RPS15A: variants seen among roughly 807,000 people sequenced by gnomAD.
RPS15A encodes small ribosomal subunit protein uS8.
For missense variants in RPS15A, 62 were observed against 163.4 expected, an observed-to-expected ratio of 0.38 and a Z score of 3.38; for synonymous variants, 55 against 58.5, an observed-to-expected ratio of 0.94 and a Z score of 0.27.
Position 18,781,584 on chromosome 16 carries a change from C to T in RPS15A, c.*1425G>A, listed in dbSNP as rs527984685. 6.6e-6 allele frequency: 1 copy of T among 152,084 alleles called. No homozygotes were observed. Among genetic ancestry groups the T allele is most frequent in the South Asian group, 2.1e-4 (1 of 4,812 alleles). 9.4% of individuals were successfully genotyped at this position (152,084 alleles called of 1,614,324 possible). ...CTTGGGGATAGGTTTTGTATCATTCCCATTACAGATACGGATGCTGAGGTT... is the reference window on the plus strand; with the variant it reads ...CTTGGGGATAGGTTTTGTATCATTCTCATTACAGATACGGATGCTGAGGTT... On this transcript the variant is annotated 3_prime_UTR_variant, in exon 5 of 5. Transcript: ENST00000322989.
At position 18,782,745 on chromosome 16, in the gene RPS15A, AAC is replaced by A; in HGVS notation, c.*262_*263del. The stretch of plus-strand genomic sequence containing the variant: ...TCCAAAAAAGAAAAAAAAAAAAAAA[AAC>A]TGAAATACAACTAAAATATTTAGTG... On this transcript the variant is annotated 3_prime_UTR_variant, in exon 5 of 5. Transcript: ENST00000322989. 3.4e-6 allele frequency: 1 copy of A among 293,894 alleles called. No homozygotes were observed. The highest frequency in any genetic ancestry group is 6.3e-6 in the Non-Finnish European group (1 of 158,312). The allele number at this position is 293,894 out of a possible 1,614,324, so 18.2% of individuals were successfully genotyped here.
intron 1 of RPS15A, 193 bp downstream of exon 1, chr16:18,790,051 C>G (rs1395856122): frequency 6.6e-6 from 1 of 152,412 alleles, no homozygotes; most frequent in African/African-American, 2.4e-5. Flanking sequence ...ACCGGAGCTA[C>G]CGCCTAGCTG....
chr16:18,787,336 T>A (rs984070347), intron 3 of RPS15A, among the ~76,000 whole-genome samples: 1 of 152,224 alleles, frequency 6.6e-6, no homozygotes, highest in African/African-American at 2.4e-5. Flanking sequence ...TTTCCATTTA[T>A]CACTAGAGAC....
intron 3 of RPS15A, 42 bp from the exon 4 acceptor site, chr16:18,784,865 C>A: frequency 6.8e-7 from 1 of 1,479,502 alleles, no homozygotes; most frequent in South Asian, 1.2e-5. Flanking sequence ...TTCACTTTAC[C>A]AATAACAGAA....
intron 4 of RPS15A, chr16:18,783,908 T>C (rs536741801): frequency 2.9e-6 from 1 of 344,936 alleles, no homozygotes; most frequent in South Asian, 2.3e-5. Context: ...GGACAAAGAC[T>C]CCCAAACTAA....
Position 18,782,784 on chromosome 16 carries a change from GT to G in RPS15A, c.*224del. The G allele has an allele frequency of 2.5e-6, 1 of 407,410 alleles. No homozygotes were observed. Among genetic ancestry groups the G allele is most frequent in the Non-Finnish European group, 4.4e-6 (1 of 229,614 alleles). The allele number at this position is 407,410 out of a possible 1,614,324, so 25.2% of individuals were successfully genotyped here. On this transcript the variant is annotated 3_prime_UTR_variant, in exon 5 of 5. Coordinates refer to ENST00000322989, the MANE Select transcript of RPS15A (RefSeq NM_001019.5). ...TAAAATATTTAGTGTCAAATACCTG[GT>G]TTTGGCAGACAGCAGGGGTGACTGT...
chr16:18,789,086 C>A lies in RPS15A; in HGVS notation c.28G>T (p.Ala10Ser), dbSNP rs1415423406. The change falls in exon 2 of 5, where the codon GCT becomes TCT. Residue 10 changes from alanine (A) to serine (S), a missense_variant. Ala to Ser is a moderately conservative substitution (Grantham distance 99, BLOSUM62 1). Transcript: ENST00000322989. MVRMNVLADALKSINNAEKR... is the reference protein window; with the variant it reads MVRMNVLADSLKSINNAEKR... ...TCGGCATTGTTGATACTCTTGAGAGCATCTGCCAGGACATTCATGCGCACC... is the reference window on the plus strand; with the variant it reads ...TCGGCATTGTTGATACTCTTGAGAGAATCTGCCAGGACATTCATGCGCACC... The A allele has an allele frequency of 6.2e-7, 1 of 1,613,852 alleles. No homozygotes were observed. Among genetic ancestry groups the A allele is most frequent in the African/African-American group, 1.3e-5 (1 of 75,038 alleles).
rs1903978212 is a variant in RPS15A, at chr16:18,782,345, T to C, written c.*664A>G. ...TCCTAGCAAGTATTTATTACAGCAG[T>C]CAGTGACAAAAGCCAGATCTAAAAT... On this transcript the variant is annotated 3_prime_UTR_variant, in exon 5 of 5. Coordinates refer to ENST00000322989, the MANE Select transcript of RPS15A (RefSeq NM_001019.5). 2 of 137,144 alleles carry C rather than the reference T, an allele frequency of 1.5e-5. No homozygotes were observed. The highest frequency in any genetic ancestry group is 5.3e-5 in the African/African-American group (2 of 37,742). 8.5% of individuals were successfully genotyped at this position (137,144 alleles called of 1,614,324 possible).
chr16:18,781,822 G>A lies in RPS15A; in HGVS notation c.*1187C>T, dbSNP rs1277582991. ...AGGCAGGCCCTCCTTTCAGGAAGCTGATCCATGCCCCTTAATAAGGTAGCT... is the reference window on the plus strand; with the variant it reads ...AGGCAGGCCCTCCTTTCAGGAAGCTAATCCATGCCCCTTAATAAGGTAGCT... On this transcript the variant is annotated 3_prime_UTR_variant, in exon 5 of 5. Coordinates refer to ENST00000322989, the MANE Select transcript of RPS15A (RefSeq NM_001019.5). 1 of 151,840 alleles carries A rather than the reference G, an allele frequency of 6.6e-6. No homozygotes were observed. Among genetic ancestry groups the A allele is most frequent in the Non-Finnish European group, 1.5e-5 (1 of 67,982 alleles). The allele number at this position is 151,840 out of a possible 1,614,324, so 9.4% of individuals were successfully genotyped here.
intron 1 of RPS15A, among the ~76,000 whole-genome samples, chr16:18,789,655 G>A (rs563543068): frequency 6.6e-6 from 1 of 152,208 alleles, no homozygotes; most frequent in South Asian, 2.1e-4. Flanking sequence ...ATTTAAAATT[G>A]CGTCCAACAG....
chr16:18,790,093 T>TG (rs1210552342), intron 1 of RPS15A, 151 bp downstream of exon 1: 1 of 152,740 alleles, frequency 6.5e-6, no homozygotes, highest in Non-Finnish European at 1.5e-5. Context: ...CCGCCCGCGC[T>TG]GCGGCCTGCA....
intron 4 of RPS15A, chr16:18,784,531 C>A (rs751418817): frequency 2.4e-5 from 12 of 501,526 alleles, no homozygotes; most frequent in Non-Finnish European, 3.5e-5. Context: ...CAGGCGTGAG[C>A]CACTGTGCCT....
At chr16:18,786,982 A>G (rs1351561082) in intron 3 of RPS15A, among the ~76,000 whole-genome samples, 8 of 152,122 alleles carry the variant, frequency 5.3e-5, no homozygotes, top group Admixed American at 3.9e-4. Context: ...CTCCTGCCTC[A>G]GTCTCCGGAG....
In RPS15A at chr16:18,783,333, TCTGCCTACACCATGAAACAAA is replaced by T. The variant is rs1370325433; in HGVS notation, c.300-252_300-232del. The T allele has an allele frequency of 5.7e-6, 3 of 523,668 alleles. No individual in the cohort carries two copies. In the East Asian group the frequency reaches 9.8e-5, roughly 17 times the overall value. The allele number at this position is 523,668 out of a possible 1,614,324, so 32.4% of individuals were successfully genotyped here. Reference sequence around the variant, plus strand: ...GCCACACAATCACACAGCCCTGACTTCTGCCTACACCATGAAACAAACTGCACTGAAAACAAAGGCTGGGAA... The same window carrying T: ...GCCACACAATCACACAGCCCTGACTTCTGCACTGAAAACAAAGGCTGGGAA... On this transcript the variant is annotated intron_variant, in intron 4 of 4. Transcript: ENST00000322989.
intron 2 of RPS15A, 43 bp from the exon 3 acceptor site, chr16:18,788,185 T>C (rs1338367170): frequency 8.0e-7 from 1 of 1,252,322 alleles, no homozygotes; most frequent in South Asian, 1.2e-5. Flanking sequence ...GACATCAACT[T>C]GAGAGCTAAA....
Position 18,782,774 on chromosome 16 carries a change from C to A in RPS15A, c.*235G>T. On this transcript the variant is annotated 3_prime_UTR_variant, in exon 5 of 5. Coordinates refer to ENST00000322989, the MANE Select transcript of RPS15A (RefSeq NM_001019.5). ...GAAATACAACTAAAATATTTAGTGT[C>A]AAATACCTGGTTTTGGCAGACAGCA... is the stretch of plus-strand genomic sequence containing the variant. The A allele has an allele frequency of 5.6e-6, 2 of 356,600 alleles. No individual in the cohort carries two copies. Among genetic ancestry groups the A allele is most frequent in the East Asian group, 4.7e-5 (1 of 21,100 alleles). The allele number at this position is 356,600 out of a possible 1,614,324, so 22.1% of individuals were successfully genotyped here. A position where few individuals can be genotyped will look rare whatever the true frequency, so the allele number is the denominator to read the frequency against.
intron 3 of RPS15A, chr16:18,785,609 A>G (rs552171876): frequency 2.6e-5 from 4 of 152,388 alleles, no homozygotes; most frequent in Non-Finnish European, 5.9e-5. Flanking sequence ...TTCCAAAAGC[A>G]GAGATTGACC....
Position 18,784,722 on chromosome 16 carries a change from G to C in RPS15A, c.299+16C>G. 1 of 1,581,496 alleles carries C rather than the reference G, an allele frequency of 6.3e-7. No homozygotes were observed. Among genetic ancestry groups the C allele is most frequent in the Non-Finnish European group, 8.6e-7 (1 of 1,166,992 alleles). The stretch of plus-strand genomic sequence containing the variant: ...CTTAGCATTAACTTCTTTTAATTAA[G>C]GAAAGGCCAACTTACCCAAACTGGC... On this transcript the variant is annotated intron_variant, in intron 4 of 4. Transcript: ENST00000322989.
rs1163632163 is a variant in RPS15A, at chr16:18,782,903, T to C, written c.*106A>G. 3 of 668,394 alleles carry C rather than the reference T, an allele frequency of 4.5e-6. No individual in the cohort carries two copies. The highest frequency in any genetic ancestry group is 2.6e-5 in the Admixed American group (1 of 38,836). 41.4% of individuals were successfully genotyped at this position (668,394 alleles called of 1,614,324 possible). ...TTCACCGATAAACGAAGCAACTGCA[T>C]GCTGCCGCAGAAGCTGTGGCTACAC... On this transcript the variant is annotated 3_prime_UTR_variant, in exon 5 of 5. Transcript: ENST00000322989.
Sources: gnomAD v4.1 joint callset for allele counts (sites outside exome capture counted in the v4.1 genomes callset) on GRCh38, gnomAD v4.1.1 for gene constraint, MANE v1.5 for transcripts, NCBI Gene and HGNC (gene_info 2026-07-23, HGNC 2026-07-21) for gene names.